Variants in MARCHF1 observed in about 807,000 individuals in gnomAD.
The protein encoded by MARCHF1 is membrane associated ring-CH-type finger 1, also known as E3 ubiquitin-protein ligase MARCHF1.
MARCHF1 carries 40 observed loss-of-function variants against 54.2 expected under a neutral mutation model. That is an observed-to-expected ratio of 0.74 (90% confidence interval 0.57 to 0.96). The LOEUF is 0.96. Among genes scored for constraint, MARCHF1 ranks in the 40% least tolerant of loss-of-function variants. The pLI is 0.00. For synonymous variants in MARCHF1, 236 were observed against 236.3 expected (o/e 1.00, Z 0.01); for missense variants, 586 against 656.5 (o/e 0.89, Z 1.17).
Position 163,530,362 on chromosome 4 carries a change from T to C in MARCHF1, c.1340-1316A>G, listed in dbSNP as rs187825983. The C allele has an allele frequency of 2.0e-5, 3 of 152,192 alleles. No homozygotes were observed. In the East Asian group the frequency reaches 5.8e-4, roughly 29 times the overall value. 9.4% of individuals were successfully genotyped at this position (152,192 alleles called of 1,614,324 possible). On this transcript the variant is annotated intron_variant, in intron 9 of 9. Transcript: ENST00000514618. Reference sequence around the variant, plus strand: ...ATATGATCATCATGTGATAAGATTTTGTTTTTTCTCCATGAACAAATTAAT... The same window carrying C: ...ATATGATCATCATGTGATAAGATTTCGTTTTTTCTCCATGAACAAATTAAT...
chr4:164,251,421 G>A (rs578020552), intron 1 of MARCHF1, among the ~76,000 whole-genome samples: 25 of 152,134 alleles, frequency 1.6e-4, no homozygotes, highest in Non-Finnish European at 3.4e-4. Context: ...TATAATGTTT[G>A]CCATGGCAGC....
intron 2 of MARCHF1, among the ~76,000 whole-genome samples, chr4:164,000,983 A>G (rs576227995): frequency 1.5e-4 from 23 of 151,826 alleles, no homozygotes; most frequent in African/African-American, 5.5e-4. Context: ...TCATTTTGCT[A>G]ACAGTAGCTA....
intron 3 of MARCHF1, among the ~76,000 whole-genome samples, chr4:163,937,428 C>G (rs1751822039): frequency 6.6e-6 from 1 of 151,768 alleles, no homozygotes; most frequent in African/African-American, 2.4e-5. Context: ...AAGGAATGAA[C>G]TCAAATCTTT....
intron 1 of MARCHF1, among the ~76,000 whole-genome samples, chr4:164,143,253 A>G (rs1351478134): frequency 6.6e-6 from 1 of 151,588 alleles, no homozygotes; most frequent in Non-Finnish European, 1.5e-5. Context: ...ACTCTGCAGG[A>G]TATTATCCAG....
At chr4:163,561,104 C>T (rs1176734449) in intron 8 of MARCHF1, among the ~76,000 whole-genome samples, 1 of 152,134 alleles carries the variant, frequency 6.6e-6, no homozygotes, top group East Asian at 1.9e-4. Context: ...TACTAACATG[C>T]TTCAATGATA....
rs1196263571 is a variant in MARCHF1 at position 163,889,927 on chromosome 4, T to A, written c.-38-35758A>T. Among the ~76,000 whole-genome samples the A allele has an allele frequency of 3.6e-4, 16 of 44,006 alleles. No individual in the cohort carries two copies. In the East Asian group the frequency reaches 0.071, roughly 196 times the overall value. The allele number at this position is 44,006 out of a possible 152,430, so 28.9% of individuals were successfully genotyped here. A position where few individuals can be genotyped will look rare whatever the true frequency, so the allele number is the denominator to read the frequency against. On this transcript the variant is annotated intron_variant, in intron 3 of 9. Transcript: ENST00000514618. ...CTTCGTTTATTTATTTTCTTTTTTC[T>A]TTTTTTTTTTTTTTTGAGATGGAAT...
chr4:164,134,353 G>A (rs1407932169), intron 1 of MARCHF1, among the ~76,000 whole-genome samples: 1 of 152,148 alleles, frequency 6.6e-6, no homozygotes, highest in African/African-American at 2.4e-5. Context: ...TTAAATTTCT[G>A]TTGGCTGCTG....
chr4:163,721,357 C>G (rs1745451123), intron 4 of MARCHF1, among the ~76,000 whole-genome samples: 1 of 151,902 alleles, frequency 6.6e-6, no homozygotes, highest in South Asian at 2.1e-4. Context: ...GTTGAACCAG[C>G]CTTGCATCCC....
At chr4:164,265,175 A>T (rs1468263180) in intron 1 of MARCHF1, among the ~76,000 whole-genome samples, 1 of 152,138 alleles carries the variant, frequency 6.6e-6, no homozygotes, top group Non-Finnish European at 1.5e-5. Context: ...TTAATTTGAA[A>T]TATTAATTTC....
rs1243009943 is a variant in MARCHF1 at position 163,684,329 on chromosome 4, T to C, written c.162+16484A>G. Among the ~76,000 whole-genome samples the C allele has an allele frequency of 2.4e-4, 37 of 152,096 alleles. 1 individual carries two copies. Among genetic ancestry groups the C allele is most frequent in the Admixed American group, 2.4e-3 (37 of 15,258 alleles). On this transcript the variant is annotated intron_variant, in intron 5 of 9. Coordinates refer to ENST00000514618, the MANE Select transcript of MARCHF1 (RefSeq NM_001394959.1). ...ATCATGAAATATCAACTGGAATATA[T>C]GTTGCCCATGTCAGAAAGAATTCCA...
intron 2 of MARCHF1, among the ~76,000 whole-genome samples, chr4:164,098,435 A>C (rs1375486721): frequency 6.6e-6 from 1 of 152,168 alleles, no homozygotes; most frequent in Non-Finnish European, 1.5e-5. Flanking sequence ...GAATTATTGA[A>C]GAGTAGCCCT....
At chr4:164,016,478 T>C (rs528302422) in intron 2 of MARCHF1, among the ~76,000 whole-genome samples, 41 of 152,012 alleles carry the variant, frequency 2.7e-4, no homozygotes, top group Non-Finnish European at 4.9e-4. Flanking sequence ...ATATACACAA[T>C]GGAACATTAT....
At chr4:163,697,477 G>T (rs1744671978) in intron 5 of MARCHF1, among the ~76,000 whole-genome samples, 1 of 152,184 alleles carries the variant, frequency 6.6e-6, no homozygotes, top group Non-Finnish European at 1.5e-5. Context: ...AATGGGGAAG[G>T]AAAGTTTTAA....
intron 4 of MARCHF1, among the ~76,000 whole-genome samples, chr4:163,807,167 C>T (rs1048117114): frequency 4.3e-4 from 66 of 152,202 alleles, no homozygotes; most frequent in African/African-American, 1.5e-3. Flanking sequence ...TGAAGAGGAG[C>T]ACGGAAGTCT....
intron 3 of MARCHF1, among the ~76,000 whole-genome samples, chr4:163,900,650 T>C (rs1011545474): frequency 2.6e-5 from 4 of 152,152 alleles, no homozygotes; most frequent in African/African-American, 9.6e-5. Context: ...AGGATTGTTG[T>C]GTGATATCAT....
chr4:164,274,648 T>C (rs1168754331), intron 1 of MARCHF1, among the ~76,000 whole-genome samples: 4 of 147,172 alleles, frequency 2.7e-5, no homozygotes, highest in Non-Finnish European at 4.5e-5. Flanking sequence ...TGATGTGTGC[T>C]TCAGGGTACA....
chr4:163,638,097 T>TGGGGGGA (rs1308030309), intron 5 of MARCHF1, among the ~76,000 whole-genome samples: 2 of 66,826 alleles, frequency 3.0e-5, no homozygotes, highest in African/African-American at 6.2e-5. Flanking sequence ...TGTTGTGGGG[T>TGGGGGGA]GGGGGGAGGG....
intron 4 of MARCHF1, among the ~76,000 whole-genome samples, chr4:163,824,278 G>A (rs528596475): frequency 1.3e-5 from 2 of 151,876 alleles, no homozygotes; most frequent in African/African-American, 4.8e-5. Context: ...ACCAAATCTG[G>A]TGCCAAAACA....
chr4:163,885,275 C>T (rs182875256), intron 3 of MARCHF1, among the ~76,000 whole-genome samples: 15 of 152,068 alleles, frequency 9.9e-5, no homozygotes, highest in Non-Finnish European at 1.9e-4. Context: ...TCTCAACCTT[C>T]CTTCATTTAG....
Sources: gnomAD v4.1 joint callset for allele counts (sites outside exome capture counted in the v4.1 genomes callset) on GRCh38, gnomAD v4.1.1 for gene constraint, MANE v1.5 for transcripts, NCBI Gene and HGNC (gene_info 2026-07-23, HGNC 2026-07-21) for gene names.